Variants in EPB41L4A observed in about 807,000 individuals in gnomAD.
EPB41L4A encodes erythrocyte membrane protein band 4.1 like 4A.
Under a neutral mutation model 108.6 loss-of-function variants are expected in EPB41L4A, and 100 were observed. The ratio of observed to expected loss-of-function variants is 0.92; its 90% CI spans 0.78 to 1.09. EPB41L4A has a LOEUF of 1.09. Ranked by LOEUF, EPB41L4A falls within the 50% of genes least tolerant of loss-of-function variation. The pLI is 0.00. For synonymous variants in EPB41L4A, 319 were observed against 289.0 expected (o/e 1.10, Z -1.05); for missense variants, 1,030 against 842.7 (o/e 1.22, Z -2.75).
intron 22 of EPB41L4A, among the ~76,000 whole-genome samples, chr5:112,165,637 T>A (rs1020951): frequency 1.3e-5 from 2 of 152,010 alleles, no homozygotes; most frequent in African/African-American, 2.4e-5. Context: ...CCATCATCAC[T>A]GGTGGAGGCT....
chr5:112,396,984 A>G (rs532231520), intron 1 of EPB41L4A, among the ~76,000 whole-genome samples: 1 of 152,314 alleles, frequency 6.6e-6, no homozygotes, highest in East Asian at 1.9e-4. Flanking sequence ...TGTTTGATTC[A>G]TGGGTATATT....
intron 1 of EPB41L4A, among the ~76,000 whole-genome samples, chr5:112,327,649 T>C (rs4957644): frequency 0.53 from 80,966 of 151,946 alleles, 23,318 homozygotes; most frequent in Middle Eastern, 0.68. Context: ...GCCCAAGAGT[T>C]TGAGGCTGCA....
chr5:112,171,045 C>A lies in EPB41L4A; in HGVS notation c.1623-53G>T, dbSNP rs1021353647. 4.8e-6 allele frequency: 7 copies of A among 1,464,206 alleles called. No individual in the cohort carries two copies. The African/African-American group carries it at 9.8e-5, about 20-fold the overall frequency. The allele number at this position is 1,464,206 out of a possible 1,614,324, so 90.7% of individuals were successfully genotyped here. A position where few individuals can be genotyped will look rare whatever the true frequency, so the allele number is the denominator to read the frequency against. On this transcript the variant is annotated intron_variant, in intron 18 of 22. Coordinates refer to ENST00000261486, the MANE Select transcript of EPB41L4A (RefSeq NM_022140.5). ...TCTGCAAACATGCTTCATCTCACAA[C>A]CTAATAACTAACTTTAATAGTTTTC...
At chr5:112,326,086 G>A (rs1435569085) in intron 1 of EPB41L4A, among the ~76,000 whole-genome samples, 1 of 152,066 alleles carries the variant, frequency 6.6e-6, no homozygotes, top group Non-Finnish European at 1.5e-5. Flanking sequence ...GGAGTTCAAG[G>A]CTAGAGTAAG....
intron 1 of EPB41L4A, among the ~76,000 whole-genome samples, chr5:112,404,619 T>C (rs1047026288): frequency 2.0e-5 from 3 of 152,218 alleles, no homozygotes; most frequent in Admixed American, 6.5e-5. Flanking sequence ...TCGGAGTCTA[T>C]ATTCTCTCCT....
chr5:112,341,058 C>T (rs6594590), intron 1 of EPB41L4A, among the ~76,000 whole-genome samples: 10,496 of 152,178 alleles, frequency 0.069, 1,002 homozygotes, highest in African/African-American at 0.22. Context: ...CCTCCCCACA[C>T]GCCATCTCTC....
chr5:112,379,014 G>T (rs1759997861), intron 1 of EPB41L4A, among the ~76,000 whole-genome samples: 1 of 152,080 alleles, frequency 6.6e-6, no homozygotes, highest in East Asian at 1.9e-4. Flanking sequence ...AGCGTGCAGG[G>T]GTGTACAGAT....
chr5:112,217,696 C>T (rs913785454), intron 12 of EPB41L4A, among the ~76,000 whole-genome samples: 4 of 152,162 alleles, frequency 2.6e-5, no homozygotes, highest in African/African-American at 9.7e-5. Flanking sequence ...GACTCCATTT[C>T]TTAAAACACA....
intron 1 of EPB41L4A, among the ~76,000 whole-genome samples, chr5:112,345,749 G>A (rs1757603791): frequency 6.9e-6 from 1 of 144,208 alleles, no homozygotes; most frequent in Non-Finnish European, 1.5e-5. Context: ...CAATGCTACA[G>A]GATGCATATA....
chr5:112,157,306 T>G (rs1042131924), intron 12 of EPB41L4A, among the ~76,000 whole-genome samples: 1 of 152,160 alleles, frequency 6.6e-6, no homozygotes, highest in African/African-American at 2.4e-5. Flanking sequence ...TAAAATGAAA[T>G]GTGCACAAGT....
At chr5:112,395,756 A>AGT (rs1346871499) in intron 1 of EPB41L4A, among the ~76,000 whole-genome samples, 1 of 152,226 alleles carries the variant, frequency 6.6e-6, no homozygotes, top group Non-Finnish European at 1.5e-5. Context: ...GTATATACCC[A>AGT]AAGATTATAA....
At chr5:112,358,949 T>C (rs558841775) in intron 1 of EPB41L4A, among the ~76,000 whole-genome samples, 1 of 152,298 alleles carries the variant, frequency 6.6e-6, no homozygotes, top group Admixed American at 6.5e-5. Context: ...AAAATATATA[T>C]ATTGTATTAT....
At chr5:112,195,737 A>C (rs903236466) in intron 15 of EPB41L4A, 29 bp from the exon 16 acceptor site, 3 of 1,598,630 alleles carry the variant, frequency 1.9e-6, no homozygotes, top group Non-Finnish European at 2.6e-6. Flanking sequence ...ACATTTAAGA[A>C]AACAGGAGAT....
intron 2 of EPB41L4A, among the ~76,000 whole-genome samples, chr5:112,284,623 T>A (rs1207859317): frequency 1.3e-5 from 2 of 152,160 alleles, no homozygotes; most frequent in Non-Finnish European, 2.9e-5. Flanking sequence ...AAGGTAACAA[T>A]GAACCCAAAC....
intron 9 of EPB41L4A, among the ~76,000 whole-genome samples, chr5:112,245,693 T>C (rs1750159003): frequency 6.6e-6 from 1 of 152,144 alleles, no homozygotes; most frequent in Non-Finnish European, 1.5e-5. Flanking sequence ...ATGGGACACC[T>C]AGAGGGCCAA....
intron 1 of EPB41L4A, among the ~76,000 whole-genome samples, chr5:112,397,576 C>A (rs1761445596): frequency 6.6e-6 from 1 of 152,022 alleles, no homozygotes; most frequent in African/African-American, 2.4e-5. Context: ...AAAAAATGAA[C>A]ATAACCCATA....
intron 19 of EPB41L4A, 44 bp downstream of exon 19, chr5:112,170,901 A>T: frequency 6.4e-7 from 1 of 1,569,294 alleles, no homozygotes; most frequent in South Asian, 1.1e-5. Flanking sequence ...TTGCATTAAA[A>T]CTACATGGGT....
intron 1 of EPB41L4A, among the ~76,000 whole-genome samples, chr5:112,384,152 TA>T (rs1454680708): frequency 6.6e-6 from 1 of 152,098 alleles, no homozygotes; most frequent in African/African-American, 2.4e-5. Context: ...TTCAAGGTGA[TA>T]AAACAAGTTA....
At chr5:112,231,846 A>C (rs1333877993) in intron 12 of EPB41L4A, among the ~76,000 whole-genome samples, 1 of 149,686 alleles carries the variant, frequency 6.7e-6, no homozygotes, top group Non-Finnish European at 1.5e-5. Flanking sequence ...AGTGGCTCAC[A>C]CCTGTAATCC....
Sources: gnomAD v4.1 joint callset for allele counts (sites outside exome capture counted in the v4.1 genomes callset) on GRCh38, gnomAD v4.1.1 for gene constraint, MANE v1.5 for transcripts, NCBI Gene and HGNC (gene_info 2026-07-23, HGNC 2026-07-21) for gene names.